Variants in ANKS1A observed in about 807,000 individuals in gnomAD.
ANKS1A encodes ankyrin repeat and SAM domain-containing protein 1A.
ANKS1A carries 55 observed loss-of-function variants against 120.3 expected under a neutral mutation model. The ratio of observed to expected loss-of-function variants is 0.46; its 90% confidence interval spans 0.37 to 0.57. The LOEUF (loss-of-function observed/expected upper bound fraction) is 0.57. Among genes scored for constraint, ANKS1A ranks in the 20% least tolerant of loss-of-function variants. The pLI is 0.00. For synonymous variants in ANKS1A, 590 were observed against 604.7 expected, an observed-to-expected ratio of 0.98 and a Z score of 0.36; for missense variants, 1,123 against 1,480.3, an observed-to-expected ratio of 0.76 and a Z score of 3.96.
At chr6:34,911,601 G>T (rs1053171921) in intron 1 of ANKS1A, among the ~76,000 whole-genome samples, 3 of 152,150 alleles carry the variant, frequency 2.0e-5, no homozygotes, top group Non-Finnish European at 4.4e-5. Context: ...TCTAGAAAAG[G>T]CAAAACAAAT....
At chr6:35,012,866 T>C (rs1773836093) in intron 10 of ANKS1A, among the ~76,000 whole-genome samples, 1 of 152,076 alleles carries the variant, frequency 6.6e-6, no homozygotes, top group South Asian at 2.1e-4. Context: ...TGTGCCACTA[T>C]CTCCTTGTTT....
intron 3 of ANKS1A, among the ~76,000 whole-genome samples, chr6:34,973,856 TTGCCCTCCC>T (rs1771310677): frequency 1.2e-5 from 1 of 86,042 alleles, no homozygotes; most frequent in African/African-American, 6.3e-5. Context: ...CCCCTTCCCC[TTGCCCTCCC>T]CTTCCCTTCC....
chr6:35,017,785 C>G lies in ANKS1A; in HGVS notation c.1736C>G (p.Ser579Trp). The G allele has an allele frequency of 1.9e-6, 3 of 1,614,174 alleles. No individual in the cohort carries two copies. The highest frequency in any genetic ancestry group is 2.5e-6 in the Non-Finnish European group (3 of 1,180,036). The change falls in exon 11 of 24, where the codon TCG becomes TGG. Residue 579 changes from serine to tryptophan, a missense_variant. Transcript: ENST00000360359. ...GGCCTGCCCACCACCAACAGCCGCT[C>G]GCACCCTGAAACTTTGACTCACACA... is the stretch of plus-strand genomic sequence containing the variant. ...LTGLPTTNSR[S>W]HPETLTHTAS... is the part of the protein sequence containing the mutation.
chr6:34,906,871 C>T (rs1176053512), intron 1 of ANKS1A, among the ~76,000 whole-genome samples: 2 of 152,114 alleles, frequency 1.3e-5, no homozygotes, highest in Admixed American at 6.5e-5. Flanking sequence ...TAGAAACTGG[C>T]GTCCAAATAA....
intron 12 of ANKS1A, among the ~76,000 whole-genome samples, chr6:35,056,446 G>A (rs979327427): frequency 4.6e-5 from 7 of 152,004 alleles, no homozygotes; most frequent in East Asian, 1.9e-4. Flanking sequence ...CCGCCACCAC[G>A]CCCGGCTAAT....
intron 1 of ANKS1A, among the ~76,000 whole-genome samples, chr6:34,892,937 T>A (rs1766894652): frequency 2.6e-5 from 4 of 152,204 alleles, no homozygotes; most frequent in South Asian, 4.1e-4. Flanking sequence ...TAGCCTTCCT[T>A]ATTTACTGGA....
At position 35,088,965 on chromosome 6, in the gene ANKS1A, T is replaced by C. The variant is rs144667567; in HGVS notation, c.*356T>C. On this transcript the variant is annotated 3_prime_UTR_variant, in exon 24 of 24. Coordinates refer to ENST00000360359, the MANE Select transcript of ANKS1A (RefSeq NM_015245.3). Reference sequence around the variant, plus strand: ...GTCATACTGCCAATCTTTAGACAAATGGCCATGGGGCAGAGGACAGGGGAG... The same window carrying C: ...GTCATACTGCCAATCTTTAGACAAACGGCCATGGGGCAGAGGACAGGGGAG... The C allele has an allele frequency of 3.5e-5, 43 of 1,231,896 alleles. No homozygotes were observed. Among genetic ancestry groups the C allele is most frequent in the Non-Finnish European group, 4.1e-5 (40 of 973,604 alleles). The allele number at this position is 1,231,896 out of a possible 1,614,324, so 76.3% of individuals were successfully genotyped here. A position where few individuals can be genotyped will look rare whatever the true frequency, so the allele number is the denominator to read the frequency against.
chr6:34,902,673 G>A (rs975370018), intron 1 of ANKS1A, among the ~76,000 whole-genome samples: 1 of 151,590 alleles, frequency 6.6e-6, no homozygotes, highest in Non-Finnish European at 1.5e-5. Flanking sequence ...GGCCAGGTGC[G>A]GTGGCTGTAG....
rs1225689705 is a variant in ANKS1A at position 34,931,181 on chromosome 6, C to G, written c.198-36058C>G. 2.7e-5 allele frequency among the ~76,000 whole-genome samples: 4 copies of G among 148,374 alleles called. No individual in the cohort carries two copies. In the East Asian group the frequency reaches 7.9e-4, roughly 29 times the overall value. ...TTTTTTTTTGAGAAAGTGTTTCACT[C>G]TGTCACCCAGGCTGGAGTACAGTGG... On this transcript the variant is annotated intron_variant, in intron 1 of 23. Coordinates refer to ENST00000360359, the MANE Select transcript of ANKS1A (RefSeq NM_015245.3).
chr6:34,908,896 A>T (rs922109225), intron 1 of ANKS1A, among the ~76,000 whole-genome samples: 1 of 152,188 alleles, frequency 6.6e-6, no homozygotes, highest in African/African-American at 2.4e-5. Context: ...TAAAGAAAAA[A>T]AAAAGAAAAA....
chr6:35,085,788 T>G lies in ANKS1A; in HGVS notation c.3155T>G (p.Leu1052Arg). The change falls in exon 22 of 24, where the codon CTG (leucine) becomes CGG (arginine). Residue 1052 changes from leucine (L) to arginine (R), a missense_variant. By Grantham distance (102) the Leu-to-Arg change is moderately radical. Transcript: ENST00000360359. The surrounding 1 kb of genome is among the most constrained non-coding windows in gnomAD (Gnocchi z 4.7). ...CAGAACCTGACCTACGAGATCATCC[T>G]GACGCTGGGGCAGGCCTTCGAAGTG... ...VDVNLTYEII[L>R]TLGQAFEVAY... is the part of the protein sequence containing the mutation. The G allele has an allele frequency of 6.2e-7, 1 of 1,602,048 alleles. No homozygotes were observed. Among genetic ancestry groups the G allele is most frequent in the Non-Finnish European group, 8.5e-7 (1 of 1,174,870 alleles).
chr6:35,069,445 T>C (rs1412572744), intron 13 of ANKS1A, among the ~76,000 whole-genome samples: 1 of 152,080 alleles, frequency 6.6e-6, no homozygotes, highest in Non-Finnish European at 1.5e-5. Context: ...CTCCGTCAAA[T>C]GGGGCTTTCA....
intron 13 of ANKS1A, among the ~76,000 whole-genome samples, chr6:35,072,831 G>A (rs925649988): frequency 5.3e-5 from 8 of 152,214 alleles, no homozygotes; most frequent in Non-Finnish European, 1.2e-4. Flanking sequence ...CTGTGCCCCA[G>A]CCCAGGACGG....
At chr6:35,078,456 AAGG>A in intron 13 of ANKS1A, 99 bp from the exon 14 acceptor site, 2 of 1,017,540 alleles carry the variant, frequency 2.0e-6, no homozygotes, top group Non-Finnish European at 3.0e-6. Flanking sequence ...GCCTGCAGTG[AAGG>A]AGAATTTGGT....
intron 1 of ANKS1A, among the ~76,000 whole-genome samples, chr6:34,892,139 T>C (rs1561831153): frequency 6.6e-6 from 1 of 152,206 alleles, no homozygotes; most frequent in Non-Finnish European, 1.5e-5. Context: ...CACCTTGACT[T>C]GCTTCTGTGT....
chr6:34,925,621 A>C (rs2504163), intron 1 of ANKS1A, among the ~76,000 whole-genome samples: 1 of 152,162 alleles, frequency 6.6e-6, no homozygotes, highest in Non-Finnish European at 1.5e-5. Context: ...CTTTGTCCAT[A>C]GAACCCTGAG....
chr6:34,964,188 A>G (rs1299686736), intron 1 of ANKS1A, among the ~76,000 whole-genome samples: 1 of 152,154 alleles, frequency 6.6e-6, no homozygotes, highest in Non-Finnish European at 1.5e-5. Flanking sequence ...CTTGTCACCC[A>G]TATACAGCTG....
downstream of ANKS1A, among the ~76,000 whole-genome samples, chr6:35,095,132 C>CTGTG (rs1778419795): frequency 8.3e-5 from 11 of 131,796 alleles, no homozygotes; most frequent in East Asian, 2.2e-4. Context: ...CAGAGTGAGA[C>CTGTG]CCCCATCTCA....
chr6:35,089,895 A>T lies in ANKS1A; in HGVS notation c.*1286A>T. 1 of 1,133,640 alleles carries T rather than the reference A, an allele frequency of 8.8e-7. No homozygotes were observed. The highest frequency in any genetic ancestry group is 1.1e-6 in the Non-Finnish European group (1 of 913,646). The allele number at this position is 1,133,640 out of a possible 1,614,324, so 70.2% of individuals were successfully genotyped here. The stretch of plus-strand genomic sequence containing the variant: ...CTCCGAGCTTTCCTGGCATAGGTCA[A>T]TCAGGTCCCAGGATGAATAATCCAG... On this transcript the variant is annotated 3_prime_UTR_variant, in exon 24 of 24. Coordinates refer to ENST00000360359, the MANE Select transcript of ANKS1A (RefSeq NM_015245.3).
Sources: gnomAD v4.1 joint callset for allele counts (sites outside exome capture counted in the v4.1 genomes callset) on GRCh38, gnomAD v4.1.1 for gene constraint, Gnocchi (gnomAD v3.1) non-coding constraint, MANE v1.5 for transcripts, NCBI Gene and HGNC (gene_info 2026-07-23, HGNC 2026-07-21) for gene names.